Variants in EP400 observed in about 807,000 individuals in gnomAD.
EP400 encodes the protein E1A binding protein p400.
A neutral mutation model predicts 354.1 loss-of-function variants in EP400; 105 were observed. The ratio of observed to expected loss-of-function variants is 0.30; its 90% CI spans 0.25 to 0.35. EP400 has a LOEUF of 0.35. Ranked by LOEUF, EP400 falls within the 10% of genes least tolerant of loss-of-function variation. The pLI is 1.00. For synonymous variants in EP400, 1,646 were observed against 1,716.9 expected, an observed-to-expected ratio of 0.96 and a Z score of 1.02; for missense variants, 3,280 against 4,121.0, an observed-to-expected ratio of 0.80 and a Z score of 5.59.
In EP400 at chr12:132,021,087, G is replaced by T; in HGVS notation, c.4456G>T (p.Ala1486Ser). The change falls in exon 23 of 53, where the codon GCC becomes TCC. Residue 1486 changes from alanine (A) to serine (S), a missense_variant. Physicochemically the swap from Ala to Ser is moderately conservative, Grantham distance 99. Around this residue, in one of 20 missense-constraint regions of EP400, gnomAD observed 342 missense variants for 342.7 expected, o/e 1.00. Transcript: ENST00000389561. ...SANPEAKAAA[A>S]PFQTSQASAS... is the part of the protein sequence containing the mutation. ...AACCTTATCGATTGCAGCAGCAGCAGCCCCGTTTCAGACCTCTCAGGCTTC... is the reference window on the plus strand; with the variant it reads ...AACCTTATCGATTGCAGCAGCAGCATCCCCGTTTCAGACCTCTCAGGCTTC... 1 of 1,596,608 alleles carries T rather than the reference G, an allele frequency of 6.3e-7. No homozygotes were observed. The highest frequency in any genetic ancestry group is 1.7e-5 in the Admixed American group (1 of 59,632).
At position 132,067,498 on chromosome 12, in the gene EP400, AG is replaced by A; in HGVS notation, c.8874+16del. Reference sequence around the variant, plus strand: ...CCGTCCAGCAGAAGGTACCGGGGCTAGGGGATTCTCACTTCTGGGTCTATGC... The same window carrying A: ...CCGTCCAGCAGAAGGTACCGGGGCTAGGGATTCTCACTTCTGGGTCTATGC... On this transcript the variant is annotated intron_variant, in intron 50 of 52. Transcript: ENST00000389561. The surrounding 1 kb of genome is among the most constrained non-coding windows in gnomAD (Gnocchi z 5.3). 2 of 1,610,232 alleles carry A rather than the reference AG, an allele frequency of 1.2e-6. No homozygotes were observed.
intron 30 of EP400, among the ~76,000 whole-genome samples, chr12:132,036,104 G>T (rs2037954967): frequency 6.7e-6 from 1 of 148,762 alleles, no homozygotes; most frequent in African/African-American, 2.5e-5. Flanking sequence ...TGTCGTGGAA[G>T]GACACACCCG....
intron 19 of EP400, among the ~76,000 whole-genome samples, chr12:132,014,426 T>A (rs1481510313): frequency 6.6e-6 from 1 of 152,202 alleles, no homozygotes; most frequent in Admixed American, 6.5e-5. Context: ...AGGGACGTGC[T>A]GGTGCCAGAA....
intron 2 of EP400, among the ~76,000 whole-genome samples, chr12:131,971,298 ATGT>A (rs1424189116): frequency 6.6e-6 from 1 of 152,074 alleles, no homozygotes; most frequent in Non-Finnish European, 1.5e-5. Flanking sequence ...AGGTTCATTC[ATGT>A]TGTTGTAAAT....
chr12:131,995,128 C>G, intron 12 of EP400, 172 bp downstream of exon 12: 1 of 582,722 alleles, frequency 1.7e-6, no homozygotes, highest in Non-Finnish European at 3.0e-6. Context: ...TCCTGGCCCT[C>G]CTGGGTTGTG....
At chr12:132,042,666 A>G (rs1232412716) in intron 32 of EP400, among the ~76,000 whole-genome samples, 1 of 152,202 alleles carries the variant, frequency 6.6e-6, no homozygotes, top group African/African-American at 2.4e-5. Flanking sequence ...TCTTCTAACT[A>G]AAAACCATAC....
rs1352355899 is a variant in EP400 at position 132,070,338 on chromosome 12, A to G, written c.9021+697A>G. Among the ~76,000 whole-genome samples the G allele has an allele frequency of 2.0e-5, 3 of 152,166 alleles. No homozygotes were observed. The highest frequency in any genetic ancestry group is 1.3e-4 in the Admixed American group (2 of 15,280). On this transcript the variant is annotated intron_variant, in intron 51 of 52. Coordinates refer to ENST00000389561, the MANE Select transcript of EP400 (RefSeq NM_015409.5). The surrounding 1 kb of genome is among the most constrained non-coding windows in gnomAD (Gnocchi z 4.1). The stretch of plus-strand genomic sequence containing the variant: ...ATTTGATGTGCTCTATGAATACCCT[A>G]TTTTCAGCCCCATTTATTTAAAAGC...
chr12:132,018,102 G>T lies in EP400; in HGVS notation c.4111-108G>T. The T allele has an allele frequency of 1.4e-6, 2 of 1,381,676 alleles. No homozygotes were observed. The highest frequency in any genetic ancestry group is 1.3e-5 in the South Asian group (1 of 78,860). The allele number at this position is 1,381,676 out of a possible 1,614,324, so 85.6% of individuals were successfully genotyped here. On this transcript the variant is annotated intron_variant, in intron 20 of 52. Transcript: ENST00000389561. The surrounding 1 kb of genome is among the most constrained non-coding windows in gnomAD (Gnocchi z 4.0). ...GCTTGCCGAGTGGCCGTTAGAGGGG[G>T]CGCGTCTGGATGCCCACGTTAGGGC... is the stretch of plus-strand genomic sequence containing the variant.
chr12:131,987,781 A>T lies in EP400; in HGVS notation c.2300A>T (p.Gln767Leu), dbSNP rs1243985561. The T allele has an allele frequency of 3.7e-6, 6 of 1,612,968 alleles. No individual in the cohort carries two copies. Among genetic ancestry groups the T allele is most frequent in the Non-Finnish European group, 4.2e-6 (5 of 1,179,918 alleles). Reference sequence around the variant, plus strand: ...TCCCAGAGGCGTCTGCCAAAGCTGCAGGAGGCCCCACGCCCCAAGTCCCAC... The same window carrying T: ...TCCCAGAGGCGTCTGCCAAAGCTGCTGGAGGCCCCACGCCCCAAGTCCCAC... ...LWSQRRLPKL[Q>L]EAPRPKSHWD... The change falls in exon 7 of 53, where the codon CAG (glutamine) becomes CTG (leucine). Residue 767 changes from glutamine (Q) to leucine (L), a missense_variant. By Grantham distance (113) the Gln-to-Leu change is moderately radical (BLOSUM62 -2). Transcript: ENST00000389561.
intron 2 of EP400, among the ~76,000 whole-genome samples, chr12:131,974,523 CT>C (rs1892401959): frequency 1.3e-5 from 2 of 152,258 alleles, no homozygotes; most frequent in South Asian, 2.1e-4. Context: ...TCAATCTGTC[CT>C]TTTAGGTGGC....
intron 19 of EP400, among the ~76,000 whole-genome samples, chr12:132,014,342 C>T (rs896626166): frequency 9.8e-5 from 15 of 152,304 alleles, no homozygotes; most frequent in African/African-American, 3.1e-4. Context: ...CGCAATGAGT[C>T]GTGCGTTGCA....
chr12:132,026,332 G>T (rs1036696717), intron 25 of EP400, among the ~76,000 whole-genome samples: 1 of 152,180 alleles, frequency 6.6e-6, no homozygotes, highest in African/African-American at 2.4e-5. Context: ...GCCTAGAGGG[G>T]TGAGGCTCTC....
intron 3 of EP400, 115 bp downstream of exon 3, chr12:131,979,908 T>C: frequency 1.3e-6 from 1 of 788,066 alleles, no homozygotes; most frequent in South Asian, 2.0e-5. Context: ...CTTCCTACTT[T>C]GAAAATTAAC....
chr12:131,976,972 T>G (rs889047982), intron 2 of EP400, among the ~76,000 whole-genome samples: 2 of 152,206 alleles, frequency 1.3e-5, no homozygotes, highest in African/African-American at 4.8e-5. Context: ...GAGCACAGAC[T>G]GGGGCTGCCC....
chr12:131,982,911 ACTGAG>A (rs1213682418), intron 5 of EP400, among the ~76,000 whole-genome samples: 4 of 151,830 alleles, frequency 2.6e-5, no homozygotes, highest in South Asian at 4.2e-4. Context: ...TGAAGGTTGC[ACTGAG>A]CTGAGATCAC....
rs1308898269 is a variant in EP400 at position 132,027,314 on chromosome 12, G to A, written c.5015-123G>A. The A allele has an allele frequency of 1.5e-5, 14 of 927,974 alleles. No individual in the cohort carries two copies. The highest frequency in any genetic ancestry group is 2.6e-5 in the East Asian group (1 of 39,108). The allele number at this position is 927,974 out of a possible 1,614,324, so 57.5% of individuals were successfully genotyped here. A position where few individuals can be genotyped will look rare whatever the true frequency, so the allele number is the denominator to read the frequency against. On this transcript the variant is annotated intron_variant, in intron 25 of 52. Coordinates refer to ENST00000389561, the MANE Select transcript of EP400 (RefSeq NM_015409.5). The surrounding 1 kb of genome is among the most constrained non-coding windows in gnomAD (Gnocchi z 4.9). Reference sequence around the variant, plus strand: ...GAGGATGAGGACTTGGGGACATGCCGTTGCAGAATGACTTTCTGTGGAGTG... The same window carrying A: ...GAGGATGAGGACTTGGGGACATGCCATTGCAGAATGACTTTCTGTGGAGTG...
At chr12:131,970,638 C>T (rs1892257029) in intron 2 of EP400, among the ~76,000 whole-genome samples, 1 of 152,222 alleles carries the variant, frequency 6.6e-6, no homozygotes, top group Non-Finnish European at 1.5e-5. Flanking sequence ...CCATCGTGCA[C>T]ATTGATGCGC....
chr12:132,059,148 T>C (rs541253880), intron 45 of EP400, among the ~76,000 whole-genome samples: 23 of 152,334 alleles, frequency 1.5e-4, no homozygotes, highest in African/African-American at 5.3e-4. Flanking sequence ...CATGTTTGCC[T>C]TGAAAATAAA....
chr12:132,024,314 A>C (rs1894224168), intron 24 of EP400, among the ~76,000 whole-genome samples: 1 of 152,192 alleles, frequency 6.6e-6, no homozygotes, highest in African/African-American at 2.4e-5. Flanking sequence ...TTGAAACTGC[A>C]GTGAGCCGAG....
Sources: gnomAD v4.1 joint callset for allele counts (sites outside exome capture counted in the v4.1 genomes callset) on GRCh38, gnomAD v4.1.1 for gene constraint, gnomAD v4.1.1 regional missense constraint, Gnocchi (gnomAD v3.1) non-coding constraint, MANE v1.5 for transcripts, NCBI Gene and HGNC (gene_info 2026-07-23, HGNC 2026-07-21) for gene names.